The following DOCK3 variants were observed in gnomAD, a reference collection of about 807,000 sequenced individuals.
DOCK3 encodes dedicator of cytokinesis protein 3.
DOCK3 carries 60 observed loss-of-function variants against 265.6 expected under a neutral mutation model. The observed-to-expected ratio is 0.23, with a 90% CI of 0.18 to 0.28. DOCK3 has a LOEUF of 0.28. DOCK3 is among the 10% of genes least tolerant of loss of function. The pLI, the probability that DOCK3 is intolerant of heterozygous loss-of-function variation, is 1.00. For synonymous variants in DOCK3, 881 were observed against 938.0 expected (o/e 0.94, Z 1.11); for missense variants, 1,981 against 2,594.3 (o/e 0.76, Z 5.14).
chr3:50,801,417 G>C (rs555738663), intron 2 of DOCK3, among the ~76,000 whole-genome samples: 1 of 152,106 alleles, frequency 6.6e-6, no homozygotes, highest in Non-Finnish European at 1.5e-5. Context: ...CAGATAATTG[G>C]AATGAGTCAG....
chr3:50,874,288 G>A (rs1417691075), intron 3 of DOCK3, among the ~76,000 whole-genome samples: 6 of 151,742 alleles, frequency 4.0e-5, no homozygotes, highest in African/African-American at 1.5e-4. Flanking sequence ...GGTCACTAGA[G>A]CCCAGAAGTT....
Position 50,934,093 on chromosome 3 carries a change from C to G in DOCK3, c.315+16C>G. 1.3e-6 allele frequency: 2 copies of G among 1,556,070 alleles called. No homozygotes were observed. The highest frequency in any genetic ancestry group is 2.3e-5 in the East Asian group (1 of 44,282). The stretch of plus-strand genomic sequence containing the variant: ...GTTGTATGTGGTAAGTAGTTGATTA[C>G]TGGTTTATTGGATCATTAAAGTTTA... On this transcript the variant is annotated intron_variant, in intron 5 of 52. Transcript: ENST00000266037.
chr3:50,738,287 T>G (rs962905575), intron 1 of DOCK3, among the ~76,000 whole-genome samples: 4 of 152,116 alleles, frequency 2.6e-5, no homozygotes, highest in Non-Finnish European at 5.9e-5. Context: ...AGCCTGGTGC[T>G]GGAGTTACCA....
intron 1 of DOCK3, among the ~76,000 whole-genome samples, chr3:50,776,347 A>G (rs2041599009): frequency 2.7e-5 from 4 of 150,322 alleles, no homozygotes; most frequent in Admixed American, 2.6e-4. Flanking sequence ...GATATTGAGC[A>G]TTTTTTTTCA....
intron 5 of DOCK3, among the ~76,000 whole-genome samples, chr3:51,007,978 T>C (rs1258179175): frequency 1.3e-5 from 2 of 152,216 alleles, no homozygotes; most frequent in Non-Finnish European, 2.9e-5. Context: ...TCCATTGGTC[T>C]GTATCTCTTT....
chr3:51,163,541 C>T (rs538597100), intron 12 of DOCK3, among the ~76,000 whole-genome samples: 84 of 151,798 alleles, frequency 5.5e-4, no homozygotes, highest in African/African-American at 1.8e-3. Context: ...TTTCTTGACC[C>T]GAAGGACAAG....
intron 1 of DOCK3, among the ~76,000 whole-genome samples, chr3:50,732,081 G>A (rs1008613042): frequency 2.0e-5 from 3 of 151,690 alleles, no homozygotes; most frequent in African/African-American, 7.3e-5. Context: ...CCCTGCTTGG[G>A]TGCTGCATTT....
intron 7 of DOCK3, among the ~76,000 whole-genome samples, chr3:51,076,202 C>T (rs1477984964): frequency 2.6e-5 from 4 of 152,158 alleles, no homozygotes; most frequent in African/African-American, 9.7e-5. Context: ...ATTGCTTCTG[C>T]ACATTTGTTT....
chr3:50,732,348 C>G (rs954069389), intron 1 of DOCK3, among the ~76,000 whole-genome samples: 2 of 151,898 alleles, frequency 1.3e-5, no homozygotes, highest in Non-Finnish European at 2.9e-5. Flanking sequence ...GTGCAGCAAA[C>G]CACCATAGCA....
chr3:50,803,346 A>C (rs150969490), intron 2 of DOCK3, among the ~76,000 whole-genome samples: 14,317 of 151,960 alleles, frequency 0.094, 831 homozygotes, highest in Non-Finnish European at 0.12. Context: ...ATCCATTTAA[A>C]CCTGAGTGGA....
intron 5 of DOCK3, among the ~76,000 whole-genome samples, chr3:50,970,532 C>A (rs550930000): frequency 8.6e-4 from 130 of 151,860 alleles, no homozygotes; most frequent in Admixed American, 2.7e-3. Context: ...TTAGAAAGAC[C>A]TGTCTTCAAG....
intron 3 of DOCK3, among the ~76,000 whole-genome samples, chr3:50,866,031 G>T (rs2047124932): frequency 6.6e-6 from 1 of 152,042 alleles, no homozygotes; most frequent in Non-Finnish European, 1.5e-5. Context: ...AGTTGTTTGA[G>T]TTCCTTGTAT....
At chr3:51,046,808 G>A (rs762678701) in intron 5 of DOCK3, among the ~76,000 whole-genome samples, 3 of 151,974 alleles carry the variant, frequency 2.0e-5, no homozygotes, top group South Asian at 4.1e-4. Flanking sequence ...GATAGATCAC[G>A]TACTAGATCA....
At chr3:50,698,185 C>G (rs1200628109) in intron 1 of DOCK3, among the ~76,000 whole-genome samples, 1 of 151,832 alleles carries the variant, frequency 6.6e-6, no homozygotes, top group Non-Finnish European at 1.5e-5. Context: ...TACTCATTCT[C>G]TCTCCCCCAC....
At chr3:50,989,725 G>C (rs2108611310) in intron 5 of DOCK3, among the ~76,000 whole-genome samples, 1 of 152,290 alleles carries the variant, frequency 6.6e-6, no homozygotes, top group East Asian at 1.9e-4. Flanking sequence ...AAGAACTCTG[G>C]TAACTCAAAT....
intron 2 of DOCK3, among the ~76,000 whole-genome samples, chr3:50,822,621 T>C (rs1225107320): frequency 6.6e-6 from 1 of 152,142 alleles, no homozygotes; most frequent in African/African-American, 2.4e-5. Context: ...TTCAGTCTCC[T>C]GAATAGCTAG....
At chr3:51,214,315 G>A (rs558856337) in intron 14 of DOCK3, 68 bp downstream of exon 14, 53 of 1,586,330 alleles carry the variant, frequency 3.3e-5, no homozygotes, top group Non-Finnish European at 4.5e-5. Flanking sequence ...CCCCTCCTGA[G>A]CAGGTGGTGA....
intron 1 of DOCK3, among the ~76,000 whole-genome samples, chr3:50,730,037 C>A (rs1485385021): frequency 6.6e-6 from 1 of 151,290 alleles, no homozygotes; most frequent in East Asian, 1.9e-4. Flanking sequence ...GATAAAAGAA[C>A]TTTCCCACCA....
chr3:50,741,743 G>C (rs1349018436), intron 1 of DOCK3, among the ~76,000 whole-genome samples: 2 of 151,798 alleles, frequency 1.3e-5, no homozygotes, highest in African/African-American at 4.8e-5. Context: ...ATACGTGTGC[G>C]TGTGTCTTTA....
Sources: gnomAD v4.1 joint callset for allele counts (sites outside exome capture counted in the v4.1 genomes callset) on GRCh38, gnomAD v4.1.1 for gene constraint, MANE v1.5 for transcripts, NCBI Gene and HGNC (gene_info 2026-07-23, HGNC 2026-07-21) for gene names.